Variants in DLGAP2 observed in about 807,000 individuals in gnomAD.
The protein encoded by DLGAP2 is disks large-associated protein 2.
DLGAP2 carries 26 observed loss-of-function variants against 100.3 expected under a neutral mutation model. The ratio of observed to expected loss-of-function variants is 0.26; its 90% CI spans 0.19 to 0.36. DLGAP2 has a LOEUF of 0.36. Ranked by LOEUF, DLGAP2 falls within the 10% of genes least tolerant of loss-of-function variation. The pLI is 1.00. For missense variants in DLGAP2, 1,858 were observed against 1,453.2 expected, an observed-to-expected ratio of 1.28 and a Z score of -4.53; for synonymous variants, 886 against 630.1, an observed-to-expected ratio of 1.41 and a Z score of -6.08.
At chr8:1,188,513 G>A (rs140330217) in intron 2 of DLGAP2, among the ~76,000 whole-genome samples, 2,864 of 126,602 alleles carry the variant, frequency 0.023, 459 homozygotes, top group African/African-American at 0.12. Context: ...TCACACGCCC[G>A]GGACCTCTGT....
intron 1 of DLGAP2, among the ~76,000 whole-genome samples, chr8:854,533 C>T (rs530291987): frequency 1.4e-4 from 22 of 151,834 alleles, no homozygotes; most frequent in Non-Finnish European, 2.4e-4. Context: ...GAGAGAGGGC[C>T]GGACTGACAT....
At chr8:1,125,400 G>C (rs1248070971) in intron 2 of DLGAP2, among the ~76,000 whole-genome samples, 2 of 152,104 alleles carry the variant, frequency 1.3e-5, no homozygotes, top group East Asian at 1.9e-4. Context: ...TTCATTATGT[G>C]AAATGGAATT....
At chr8:924,671 CT>C (rs1401128299) in intron 2 of DLGAP2, among the ~76,000 whole-genome samples, 3 of 152,018 alleles carry the variant, frequency 2.0e-5, no homozygotes, top group Admixed American at 1.3e-4. Flanking sequence ...CAACCTCCAC[CT>C]CCTGGATTCA....
intron 9 of DLGAP2, among the ~76,000 whole-genome samples, chr8:1,669,355 G>T (rs1798629210): frequency 6.6e-6 from 1 of 152,222 alleles, no homozygotes; most frequent in Admixed American, 6.5e-5. Flanking sequence ...TGCCCACGCT[G>T]CACCTCCCTC....
At chr8:1,122,647 G>T (rs1183655363) in intron 2 of DLGAP2, among the ~76,000 whole-genome samples, 2 of 152,106 alleles carry the variant, frequency 1.3e-5, no homozygotes, top group African/African-American at 4.8e-5. Flanking sequence ...TAACAAGGTA[G>T]AACTGATACT....
At chr8:1,340,741 G>A (rs185877794) in intron 3 of DLGAP2, among the ~76,000 whole-genome samples, 60 of 152,294 alleles carry the variant, frequency 3.9e-4, no homozygotes, top group African/African-American at 1.2e-3. Context: ...AGACCCAAAG[G>A]AATAGAAACC....
At chr8:1,430,022 A>G (rs567167675) in intron 3 of DLGAP2, among the ~76,000 whole-genome samples, 2 of 96,296 alleles carry the variant, frequency 2.1e-5, no homozygotes, top group African/African-American at 8.8e-5. Flanking sequence ...ATATATATAT[A>G]TATATACACA....
chr8:1,222,100 G>C (rs1392926999), intron 2 of DLGAP2, among the ~76,000 whole-genome samples: 1 of 152,146 alleles, frequency 6.6e-6, no homozygotes, highest in Non-Finnish European at 1.5e-5. Context: ...TTTCAATCTG[G>C]TGAAGAAACA....
intron 2 of DLGAP2, among the ~76,000 whole-genome samples, chr8:1,036,336 G>T (rs1264266864): frequency 6.6e-6 from 1 of 152,260 alleles, no homozygotes; most frequent in African/African-American, 2.4e-5. Flanking sequence ...ATCTGCTGCA[G>T]TGGATGCTGG....
chr8:1,687,969 T>A (rs931644531), intron 12 of DLGAP2, among the ~76,000 whole-genome samples: 4 of 152,208 alleles, frequency 2.6e-5, no homozygotes, highest in African/African-American at 9.7e-5. Flanking sequence ...AAAGCAAAGA[T>A]GATTCCTCCC....
chr8:1,023,151 A>G (rs574376062), intron 2 of DLGAP2, among the ~76,000 whole-genome samples: 6 of 152,208 alleles, frequency 3.9e-5, no homozygotes, highest in Non-Finnish European at 8.8e-5. Flanking sequence ...CAAAGGACAC[A>G]CTGTCGCTAA....
chr8:1,219,065 A>G (rs1328326467), intron 2 of DLGAP2, among the ~76,000 whole-genome samples: 1 of 152,140 alleles, frequency 6.6e-6, no homozygotes, highest in Non-Finnish European at 1.5e-5. Context: ...ATATAGTCTA[A>G]AGACAGGTAG....
At chr8:1,202,654 G>A (rs1230274611) in intron 2 of DLGAP2, among the ~76,000 whole-genome samples, 2 of 152,156 alleles carry the variant, frequency 1.3e-5, no homozygotes, top group Non-Finnish European at 2.9e-5. Flanking sequence ...GCCAGGCAAT[G>A]CCTCCTTCAC....
intron 6 of DLGAP2, among the ~76,000 whole-genome samples, chr8:1,567,977 C>G (rs1376454758): frequency 6.6e-6 from 1 of 152,174 alleles, no homozygotes; most frequent in Non-Finnish European, 1.5e-5. Flanking sequence ...TACTCCTGTT[C>G]TAAACACAAA....
intron 1 of DLGAP2, among the ~76,000 whole-genome samples, chr8:857,262 C>T (rs1797296539): frequency 6.6e-6 from 1 of 152,134 alleles, no homozygotes; most frequent in Admixed American, 6.5e-5. Context: ...TGTGGGAGAA[C>T]CCTGGGTAAG....
chr8:1,212,453 G>T (rs1798124450), intron 2 of DLGAP2, among the ~76,000 whole-genome samples: 1 of 152,160 alleles, frequency 6.6e-6, no homozygotes, highest in African/African-American at 2.4e-5. Context: ...AGATCTATTT[G>T]ATGTCTAGTT....
intron 3 of DLGAP2, among the ~76,000 whole-genome samples, chr8:1,390,476 A>G (rs873854): frequency 0.71 from 107,933 of 152,112 alleles, 38,354 homozygotes; most frequent in Admixed American, 0.72. Flanking sequence ...GCCCACCTAC[A>G]AGCCCTTCCT....
intron 2 of DLGAP2, among the ~76,000 whole-genome samples, chr8:1,040,882 G>A (rs1003061670): frequency 1.3e-5 from 2 of 152,280 alleles, no homozygotes; most frequent in Non-Finnish European, 2.9e-5. Flanking sequence ...TCCTCAGCAC[G>A]CACCCTCATT....
rs939724276 is a variant in DLGAP2, at chr8:1,221,011, C to G, written c.74-37840C>G. On this transcript the variant is annotated intron_variant, in intron 2 of 14. Transcript: ENST00000637795. Reference sequence around the variant, plus strand: ...GGGTGTCTTCACATGTGAGATGAGTCTCTTGAAGACAGCGTACAGTTGAGT... The same window carrying G: ...GGGTGTCTTCACATGTGAGATGAGTGTCTTGAAGACAGCGTACAGTTGAGT... Among the ~76,000 whole-genome samples, 139 of 152,180 alleles carry G rather than the reference C, an allele frequency of 9.1e-4. 2 individuals carry two copies. The highest frequency in any genetic ancestry group is 3.1e-3 in the African/African-American group (128 of 41,428).
Sources: gnomAD v4.1 joint callset for allele counts (sites outside exome capture counted in the v4.1 genomes callset) on GRCh38, gnomAD v4.1.1 for gene constraint, MANE v1.5 for transcripts, NCBI Gene and HGNC (gene_info 2026-07-23, HGNC 2026-07-21) for gene names.